GPC6: variants seen among roughly 807,000 people sequenced by gnomAD.
The protein encoded by GPC6 is glypican 6.
Under a neutral mutation model 55.2 loss-of-function variants are expected in GPC6, and 14 were observed. That is an observed-to-expected ratio of 0.25 (90% confidence interval 0.17 to 0.40). The LOEUF is 0.40. GPC6 is among the 10% of genes least tolerant of loss of function. The probability of loss-of-function intolerance (pLI) is 1.00; values close to 1 mark genes in which losing one functional copy is unlikely to be tolerated. For missense variants in GPC6, 641 were observed against 708.5 expected (o/e 0.90, Z 1.08); for synonymous variants, 278 against 259.6 (o/e 1.07, Z -0.68).
At chr13:93,623,649 A>T (rs1435887782) in intron 2 of GPC6, among the ~76,000 whole-genome samples, 3 of 151,834 alleles carry the variant, frequency 2.0e-5, no homozygotes. Context: ...TAGTAGAGGC[A>T]GGGTTTCACC....
intron 3 of GPC6, among the ~76,000 whole-genome samples, chr13:93,896,985 C>CT (rs3043489): frequency 0.01 from 1,445 of 138,904 alleles, 27 homozygotes; most frequent in East Asian, 0.064. Flanking sequence ...CCTCATTATT[C>CT]TTTTTTTTTT....
At chr13:93,646,889 G>A (rs1433965894) in intron 2 of GPC6, among the ~76,000 whole-genome samples, 1 of 151,558 alleles carries the variant, frequency 6.6e-6, no homozygotes, top group African/African-American at 2.4e-5. Context: ...ACAAACTTGT[G>A]CTTGAAAAGC....
chr13:93,817,597 G>A (rs1021734064), intron 2 of GPC6, among the ~76,000 whole-genome samples: 3 of 152,210 alleles, frequency 2.0e-5, no homozygotes, highest in African/African-American at 4.8e-5. Context: ...AGTGGCTCAC[G>A]CCTGTAATCC....
chr13:93,531,982 T>C (rs1210730345), intron 1 of GPC6, among the ~76,000 whole-genome samples: 1 of 152,192 alleles, frequency 6.6e-6, no homozygotes, highest in East Asian at 1.9e-4. Context: ...GGTAGTACTA[T>C]TTAATGTTGA....
intron 4 of GPC6, among the ~76,000 whole-genome samples, chr13:94,038,031 T>G (rs1000279129): frequency 2.6e-5 from 4 of 151,980 alleles, no homozygotes; most frequent in Admixed American, 2.0e-4. Flanking sequence ...GTTGAACACT[T>G]ACAATGTGGC....
chr13:93,722,749 G>A (rs1594401549), intron 2 of GPC6, among the ~76,000 whole-genome samples: 2 of 152,016 alleles, frequency 1.3e-5, no homozygotes, highest in Admixed American at 1.3e-4. Context: ...GACAGGGCCA[G>A]GCTCTCTCTA....
rs117874751 is a variant in GPC6, at chr13:93,641,733, C to G, written c.319+96312C>G. Among the ~76,000 whole-genome samples, 879 of 151,880 alleles carry G rather than the reference C, an allele frequency of 5.8e-3. 4 individuals carry two copies. The highest frequency in any genetic ancestry group is 0.027 in the Middle Eastern group (8 of 292). ...GTCAGCTCAAAGTCCACCTTGGACC[C>G]CAGCATATTAGTAACATTCTTTGCA... On this transcript the variant is annotated intron_variant, in intron 2 of 8. Coordinates refer to ENST00000377047, the MANE Select transcript of GPC6 (RefSeq NM_005708.5).
In GPC6 at chr13:94,190,811, G is replaced by A. The variant is rs541972807; in HGVS notation, c.878-95538G>A. On this transcript the variant is annotated intron_variant, in intron 4 of 8. Coordinates refer to ENST00000377047, the MANE Select transcript of GPC6 (RefSeq NM_005708.5). ...GAGAATTATCTCAAAAGTTATATATGTTAACATATGAGTAGCATATATGAA... is the reference window on the plus strand; with the variant it reads ...GAGAATTATCTCAAAAGTTATATATATTAACATATGAGTAGCATATATGAA... 2.9e-4 allele frequency among the ~76,000 whole-genome samples: 44 copies of A among 152,116 alleles called. 1 individual carries two copies. The highest frequency in any genetic ancestry group is 9.9e-4 in the African/African-American group (41 of 41,496).
intron 5 of GPC6, among the ~76,000 whole-genome samples, chr13:94,301,733 A>T (rs1875660385): frequency 6.6e-6 from 1 of 152,182 alleles, no homozygotes. Context: ...CCATCTGCCC[A>T]CCTATATATA....
intron 1 of GPC6, among the ~76,000 whole-genome samples, chr13:93,297,816 G>A (rs556449323): frequency 4.6e-5 from 7 of 152,172 alleles, no homozygotes; most frequent in African/African-American, 1.7e-4. Flanking sequence ...TAAAGACGTT[G>A]TGACTCACAT....
At chr13:93,319,179 A>G (rs988107415) in intron 1 of GPC6, among the ~76,000 whole-genome samples, 3 of 152,206 alleles carry the variant, frequency 2.0e-5, no homozygotes, top group Admixed American at 2.0e-4. Context: ...TTGAAGAGTC[A>G]GGTCACATTT....
chr13:93,362,532 G>A (rs1002693861), intron 1 of GPC6, among the ~76,000 whole-genome samples: 3 of 152,118 alleles, frequency 2.0e-5, no homozygotes, highest in Non-Finnish European at 4.4e-5. Flanking sequence ...TATTGTCTTA[G>A]TGACTTTTAC....
chr13:93,273,970 G>A (rs1877640236), intron 1 of GPC6, among the ~76,000 whole-genome samples: 1 of 151,672 alleles, frequency 6.6e-6, no homozygotes, highest in Non-Finnish European at 1.5e-5. Flanking sequence ...ACCATGCCCA[G>A]CTAATTTTTG....
chr13:93,527,888 T>C (rs748434905), intron 1 of GPC6, among the ~76,000 whole-genome samples: 1 of 152,172 alleles, frequency 6.6e-6, no homozygotes, highest in Non-Finnish European at 1.5e-5. Context: ...TAAAGAAATA[T>C]ACACTTATAG....
intron 1 of GPC6, among the ~76,000 whole-genome samples, chr13:93,500,667 GCT>G (rs1256278928): frequency 3.3e-5 from 5 of 152,074 alleles, no homozygotes; most frequent in African/African-American, 4.8e-5. Flanking sequence ...TTTTTAAACA[GCT>G]CTGTTTAAAT....
chr13:93,410,378 A>C (rs564899467), intron 1 of GPC6, among the ~76,000 whole-genome samples: 2 of 152,206 alleles, frequency 1.3e-5, no homozygotes, highest in African/African-American at 4.8e-5. Context: ...GGCCTTGAGT[A>C]TATATCAAGT....
At chr13:94,342,520 TC>T (rs1422414167) in intron 6 of GPC6, among the ~76,000 whole-genome samples, 2 of 152,136 alleles carry the variant, frequency 1.3e-5, no homozygotes, top group Non-Finnish European at 2.9e-5. Context: ...GCACAGATCC[TC>T]CCTCTGAACC....
chr13:93,819,649 T>C (rs1294090940), intron 2 of GPC6, among the ~76,000 whole-genome samples: 1 of 152,202 alleles, frequency 6.6e-6, no homozygotes, highest in East Asian at 1.9e-4. Context: ...TCTCAGCTTT[T>C]AATTTTATAT....
At chr13:93,401,940 G>T (rs764946799) in intron 1 of GPC6, among the ~76,000 whole-genome samples, 1 of 152,028 alleles carries the variant, frequency 6.6e-6, no homozygotes, top group African/African-American at 2.4e-5. Context: ...TCTACCGAGT[G>T]TCTGATGTTT....
Sources: gnomAD v4.1 joint callset for allele counts (sites outside exome capture counted in the v4.1 genomes callset) on GRCh38, gnomAD v4.1.1 for gene constraint, MANE v1.5 for transcripts, NCBI Gene and HGNC (gene_info 2026-07-23, HGNC 2026-07-21) for gene names.